The following SLC5A1 variants were observed in gnomAD, a reference collection of about 807,000 sequenced individuals.
SLC5A1 encodes solute carrier family 5 member 1.
SLC5A1 carries 42 observed loss-of-function variants against 73.5 expected under a neutral mutation model. The observed-to-expected ratio is 0.57, with a 90% CI of 0.45 to 0.74. The LOEUF (loss-of-function observed/expected upper bound fraction) is 0.74. SLC5A1 is among the 30% of genes least tolerant of loss of function. The pLI is 0.00. For missense variants in SLC5A1, 634 were observed against 855.4 expected, an observed-to-expected ratio of 0.74 and a Z score of 3.23; for synonymous variants, 300 against 317.4, an observed-to-expected ratio of 0.95 and a Z score of 0.58.
At chr22:32,077,670 C>G (rs2093993198) in intron 5 of SLC5A1, among the ~76,000 whole-genome samples, 1 of 152,130 alleles carries the variant, frequency 6.6e-6, no homozygotes, top group South Asian at 2.1e-4. Flanking sequence ...TAGATCTTAA[C>G]AATATATTAT....
chr22:32,058,921 GTCCTGAC>G (rs1569301682), intron 2 of SLC5A1, among the ~76,000 whole-genome samples: 1 of 152,182 alleles, frequency 6.6e-6, no homozygotes, highest in African/African-American at 2.4e-5. Context: ...CCTGAGAAGA[GTCCTGAC>G]TCCATGCCCC....
chr22:32,099,465 G>C, intron 12 of SLC5A1, 114 bp downstream of exon 12: 1 of 1,056,648 alleles, frequency 9.5e-7, no homozygotes. Context: ...GAGCAGACAC[G>C]GATGTGCTGC....
At chr22:32,078,469 T>C (rs2093994360) in intron 5 of SLC5A1, among the ~76,000 whole-genome samples, 1 of 152,054 alleles carries the variant, frequency 6.6e-6, no homozygotes, top group Non-Finnish European at 1.5e-5. Context: ...GGTTTTACCA[T>C]GTTGGCCAGG....
At position 32,074,086 on chromosome 22, in the gene SLC5A1, G is replaced by C. The variant is rs1423703987; in HGVS notation, c.477+5486G>C. Among the ~76,000 whole-genome samples the C allele has an allele frequency of 3.9e-5, 6 of 152,254 alleles. No homozygotes were observed. The East Asian group carries it at 9.7e-4, about 25-fold the overall frequency. ...AGCAGGAGGGTGGTACCTGTCTACT[G>C]TGCACGTAGAGAAGGGTGCTGGGCC... On this transcript the variant is annotated intron_variant, in intron 5 of 14. Coordinates refer to ENST00000266088, the MANE Select transcript of SLC5A1 (RefSeq NM_000343.4).
rs2094004740 is a variant in SLC5A1 at position 32,084,467 on chromosome 22, C to G, written c.693C>G (p.Ala231=). ...FAFHEVGGYD[A]FMEKYMKAIP... ...TTCACGAAGTGGGAGGCTATGACGC[C>G]TTCATGGAAAAGTACATGAAAGCCA... The change falls in exon 8 of 15, where the codon GCC becomes GCG. Residue 231 remains alanine (A), a synonymous_variant. Transcript: ENST00000266088. 1 of 1,614,092 alleles carries G rather than the reference C, an allele frequency of 6.2e-7. No homozygotes were observed. The highest frequency in any genetic ancestry group is 1.3e-5 in the African/African-American group (1 of 74,950).
At chr22:32,059,098 T>C (rs2093956297) in intron 2 of SLC5A1, 1 of 985,316 alleles carries the variant, frequency 1.0e-6, no homozygotes, top group African/African-American at 1.7e-5. Context: ...GAAGCAGGAC[T>C]GGATTGCAGA....
intron 5 of SLC5A1, among the ~76,000 whole-genome samples, chr22:32,068,911 G>T (rs1295542072): frequency 6.6e-6 from 1 of 151,876 alleles, no homozygotes; most frequent in Non-Finnish European, 1.5e-5. Context: ...CTCACTACTG[G>T]GTATATATGT....
intron 6 of SLC5A1, among the ~76,000 whole-genome samples, chr22:32,082,227 G>C (rs1010379424): frequency 6.6e-6 from 1 of 152,138 alleles, no homozygotes; most frequent in African/African-American, 2.4e-5. Context: ...GGGCCCTGTG[G>C]GTTGTGGAGA....
chr22:32,110,504 G>A lies in SLC5A1; in HGVS notation c.*291G>A, dbSNP rs1035601651. 3 of 473,662 alleles carry A rather than the reference G, an allele frequency of 6.3e-6. No homozygotes were observed. Among genetic ancestry groups the A allele is most frequent in the African/African-American group, 5.9e-5 (3 of 50,914 alleles). 29.3% of individuals were successfully genotyped at this position (473,662 alleles called of 1,614,324 possible). A position where few individuals can be genotyped will look rare whatever the true frequency, so the allele number is the denominator to read the frequency against. On this transcript the variant is annotated 3_prime_UTR_variant, in exon 15 of 15. Coordinates refer to ENST00000266088, the MANE Select transcript of SLC5A1 (RefSeq NM_000343.4). ...AAGAATCAGAAGCCATGTGATTGAT[G>A]TCTGACGTGAGTCTGTCTCAGGTAG... is the stretch of plus-strand genomic sequence containing the variant.
chr22:32,084,354 T>C, intron 7 of SLC5A1, 85 bp from the exon 8 acceptor site: 1 of 1,230,682 alleles, frequency 8.1e-7, no homozygotes, highest in Non-Finnish European at 1.2e-6. Flanking sequence ...TTGGGTCCTC[T>C]CAGTTTCTCA....
At chr22:32,052,656 T>C (rs1021801426) in intron 2 of SLC5A1, among the ~76,000 whole-genome samples, 1 of 152,226 alleles carries the variant, frequency 6.6e-6, no homozygotes. Flanking sequence ...ACTTGCTTTT[T>C]ACCTGCATGT....
chr22:32,058,725 C>T (rs1047232180), intron 2 of SLC5A1, among the ~76,000 whole-genome samples: 3 of 152,194 alleles, frequency 2.0e-5, no homozygotes, highest in African/African-American at 4.8e-5. Context: ...GACGGACTAA[C>T]CTATAAGGTC....
chr22:32,062,490 G>A (rs1450523799), intron 2 of SLC5A1, among the ~76,000 whole-genome samples: 1 of 152,192 alleles, frequency 6.6e-6, no homozygotes, highest in Non-Finnish European at 1.5e-5. Flanking sequence ...TGCACAACAA[G>A]CAGCAAAAGT....
intron 5 of SLC5A1, among the ~76,000 whole-genome samples, chr22:32,079,574 T>C (rs562900861): frequency 6.6e-6 from 1 of 152,314 alleles, no homozygotes; most frequent in South Asian, 2.1e-4. Context: ...CATGTTGTCA[T>C]AAAGCATTAA....
At chr22:32,104,543 A>G (rs2094041741) in intron 13 of SLC5A1, among the ~76,000 whole-genome samples, 1 of 152,234 alleles carries the variant, frequency 6.6e-6, no homozygotes, top group African/African-American at 2.4e-5. Context: ...CATATGAGGC[A>G]ATCTTTTAGC....
chr22:32,060,014 T>TACACACACACACAC (rs58053068), intron 2 of SLC5A1, among the ~76,000 whole-genome samples: 6 of 137,606 alleles, frequency 4.4e-5, no homozygotes, highest in South Asian at 2.4e-4. Context: ...GCCATGGTTA[T>TACACACACACACAC]ACACACACAC....
At chr22:32,101,557 C>A (rs2094036398) in intron 12 of SLC5A1, among the ~76,000 whole-genome samples, 1 of 152,124 alleles carries the variant, frequency 6.6e-6, no homozygotes, top group African/African-American at 2.4e-5. Context: ...CTTCCAAAGA[C>A]CCAATTTCTT....
chr22:32,109,082 G>A (rs2094051500), intron 14 of SLC5A1, among the ~76,000 whole-genome samples: 1 of 152,182 alleles, frequency 6.6e-6, no homozygotes, highest in South Asian at 2.1e-4. Flanking sequence ...CCGAGGTGGG[G>A]GGGATCATTT....
At position 32,091,713 on chromosome 22, in the gene SLC5A1, G is replaced by A. The variant is rs17683430; in HGVS notation, c.1231G>A (p.Ala411Thr). 105,863 of 1,613,408 alleles carry A rather than the reference G, an allele frequency of 0.066. 3,945 individuals carry two copies. Among genetic ancestry groups the A allele is most frequent in the Non-Finnish European group, 0.077 (90,549 of 1,179,488 alleles). ...CACCCTCTTCACCATGGACATCTAC[G>A]CCAAGGTCCGCAAGAGAGCATCTGA... Reference protein sequence around the residue: ...ASTLFTMDIYAKVRKRASEKE... With the variant: ...ASTLFTMDIYTKVRKRASEKE... Residue 411 changes from alanine to threonine, a missense_variant, in exon 11 of 15, where the codon GCC becomes ACC. By Grantham distance (58) the Ala-to-Thr change is moderately conservative (BLOSUM62 0). Coordinates refer to ENST00000266088, the MANE Select transcript of SLC5A1 (RefSeq NM_000343.4).
Sources: gnomAD v4.1 joint callset for allele counts (sites outside exome capture counted in the v4.1 genomes callset) on GRCh38, gnomAD v4.1.1 for gene constraint, MANE v1.5 for transcripts, NCBI Gene and HGNC (gene_info 2026-07-23, HGNC 2026-07-21) for gene names.